The following PCDH9 variants were observed in gnomAD, a reference collection of about 807,000 sequenced individuals.
PCDH9 encodes the protein protocadherin-9.
PCDH9 carries 24 observed loss-of-function variants against 70.6 expected under a neutral mutation model. The ratio of observed to expected loss-of-function variants is 0.34; its 90% CI spans 0.25 to 0.48. The LOEUF is 0.48. PCDH9 is among the 20% of genes least tolerant of loss of function. PCDH9 has a pLI of 0.99. For synonymous variants in PCDH9, 562 were observed against 558.5 expected (o/e 1.01, Z -0.09); for missense variants, 1,281 against 1,503.6 (o/e 0.85, Z 2.45).
At chr13:66,350,495 C>T (rs1470401429) in intron 4 of PCDH9, among the ~76,000 whole-genome samples, 1 of 152,086 alleles carries the variant, frequency 6.6e-6, no homozygotes, top group Admixed American at 6.6e-5. Context: ...AGTCTTCAGC[C>T]CTCTTGTCTT....
chr13:66,656,633 G>A (rs1157301083), intron 3 of PCDH9, among the ~76,000 whole-genome samples: 1 of 151,270 alleles, frequency 6.6e-6, no homozygotes, highest in Non-Finnish European at 1.5e-5. Flanking sequence ...CCTTGGGGAT[G>A]GTGGGGTGGG....
chr13:67,197,299 A>T (rs2089093373), intron 2 of PCDH9, among the ~76,000 whole-genome samples: 1 of 152,000 alleles, frequency 6.6e-6, no homozygotes, highest in South Asian at 2.1e-4. Context: ...TCTCATTTTT[A>T]TATTGTACAA....
At chr13:66,344,790 G>C (rs1956187779) in intron 4 of PCDH9, among the ~76,000 whole-genome samples, 1 of 152,028 alleles carries the variant, frequency 6.6e-6, no homozygotes, top group Non-Finnish European at 1.5e-5. Context: ...GTTTCTTAAG[G>C]GTCCCTCTGT....
At chr13:66,567,323 C>A (rs1440436089) in intron 4 of PCDH9, among the ~76,000 whole-genome samples, 1 of 152,032 alleles carries the variant, frequency 6.6e-6, no homozygotes, top group Non-Finnish European at 1.5e-5. Context: ...ATAAAAAACG[C>A]GTGGTATGGG....
chr13:66,370,260 C>T (rs1043321986), intron 4 of PCDH9, among the ~76,000 whole-genome samples: 2 of 151,814 alleles, frequency 1.3e-5, no homozygotes, highest in African/African-American at 4.8e-5. Flanking sequence ...AAATAGAGTC[C>T]CTGTCTCCCA....
intron 3 of PCDH9, among the ~76,000 whole-genome samples, chr13:66,769,776 A>C (rs1234814092): frequency 1.3e-5 from 2 of 152,226 alleles, no homozygotes; most frequent in East Asian, 3.9e-4. Context: ...GCCTAAGGGA[A>C]CCTCATTGAT....
Position 66,324,632 on chromosome 13 carries a change from T to C in PCDH9, c.3341-19604A>G, listed in dbSNP as rs118158571. Among the ~76,000 whole-genome samples the C allele has an allele frequency of 1.6e-4, 25 of 152,200 alleles. 1 individual carries two copies. The East Asian group carries it at 4.8e-3, about 29-fold the overall frequency. ...GTGAAAATGCAGCCATTGGCCATTCTATGTAATAAAACATTTGAAAAGGTA... is the reference window on the plus strand; with the variant it reads ...GTGAAAATGCAGCCATTGGCCATTCCATGTAATAAAACATTTGAAAAGGTA... On this transcript the variant is annotated intron_variant, in intron 4 of 4. Coordinates refer to ENST00000377865, the MANE Select transcript of PCDH9 (RefSeq NM_203487.3).
At chr13:66,706,445 G>A (rs1677862533) in intron 3 of PCDH9, among the ~76,000 whole-genome samples, 1 of 152,200 alleles carries the variant, frequency 6.6e-6, no homozygotes, top group Non-Finnish European at 1.5e-5. Context: ...TTAGAAGGTA[G>A]TGTTTTTATT....
intron 3 of PCDH9, among the ~76,000 whole-genome samples, chr13:66,769,977 C>T (rs41441444): frequency 0.015 from 2,225 of 152,178 alleles, 64 homozygotes; most frequent in African/African-American, 0.051. Flanking sequence ...CATTTGCATA[C>T]ATCTCAAAAT....
At chr13:66,743,882 A>T (rs954012008) in intron 3 of PCDH9, among the ~76,000 whole-genome samples, 1 of 152,194 alleles carries the variant, frequency 6.6e-6, no homozygotes, top group African/African-American at 2.4e-5. Context: ...GATATAACTT[A>T]AAGATGTATT....
intron 2 of PCDH9, among the ~76,000 whole-genome samples, chr13:66,962,036 C>A (rs1388102717): frequency 6.7e-6 from 1 of 148,990 alleles, no homozygotes; most frequent in Non-Finnish European, 1.5e-5. Flanking sequence ...GGCGACAGAG[C>A]GAGACCCCAT....
At chr13:67,165,406 C>T (rs1160429027) in intron 2 of PCDH9, among the ~76,000 whole-genome samples, 1 of 152,074 alleles carries the variant, frequency 6.6e-6, no homozygotes, top group Non-Finnish European at 1.5e-5. Flanking sequence ...TCATTATACA[C>T]TTTACAATAA....
At chr13:66,760,151 C>T (rs145022455) in intron 3 of PCDH9, among the ~76,000 whole-genome samples, 2,075 of 152,156 alleles carry the variant, frequency 0.014, 114 homozygotes, top group Admixed American at 0.1. Context: ...TTTCCCCCTT[C>T]AGCAGTCTGC....
At chr13:66,973,161 C>G (rs1478459062) in intron 2 of PCDH9, among the ~76,000 whole-genome samples, 1 of 151,908 alleles carries the variant, frequency 6.6e-6, no homozygotes. Context: ...CTTTGAGGAG[C>G]TCTACATTTT....
chr13:66,474,391 C>T (rs1006804695), intron 4 of PCDH9, among the ~76,000 whole-genome samples: 46 of 152,216 alleles, frequency 3.0e-4, no homozygotes, highest in African/African-American at 1.0e-3. Flanking sequence ...TTCTATCTAA[C>T]GTACTGATCT....
chr13:66,986,234 G>A (rs1306614050), intron 2 of PCDH9, among the ~76,000 whole-genome samples: 2 of 151,916 alleles, frequency 1.3e-5, no homozygotes, highest in Non-Finnish European at 2.9e-5. Context: ...ACTATCACAA[G>A]AACAGCATGG....
chr13:66,444,466 T>C (rs1363264096), intron 4 of PCDH9, among the ~76,000 whole-genome samples: 5 of 152,112 alleles, frequency 3.3e-5, no homozygotes, highest in African/African-American at 1.2e-4. Flanking sequence ...AGGACAAAAA[T>C]TATTTTGCTT....
intron 2 of PCDH9, among the ~76,000 whole-genome samples, chr13:67,102,465 T>C (rs1308458369): frequency 6.6e-6 from 1 of 152,134 alleles, no homozygotes; most frequent in Non-Finnish European, 1.5e-5. Context: ...AACTCTAATA[T>C]CTGTTTTTAA....
chr13:66,370,162 G>A (rs1455855574), intron 4 of PCDH9, among the ~76,000 whole-genome samples: 1 of 151,896 alleles, frequency 6.6e-6, no homozygotes, highest in East Asian at 1.9e-4. Flanking sequence ...TACTTGCTCT[G>A]CCCCTTTGAG....
Sources: gnomAD v4.1 joint callset for allele counts (sites outside exome capture counted in the v4.1 genomes callset) on GRCh38, gnomAD v4.1.1 for gene constraint, MANE v1.5 for transcripts, NCBI Gene and HGNC (gene_info 2026-07-23, HGNC 2026-07-21) for gene names.